DNAJB2: variants seen among roughly 807,000 people sequenced by gnomAD.
DNAJB2 encodes dnaJ homolog subfamily B member 2.
DNAJB2 carries 19 observed loss-of-function variants against 33.3 expected under a neutral mutation model. That is an observed-to-expected ratio of 0.57 (90% CI 0.40 to 0.84). The LOEUF (loss-of-function observed/expected upper bound fraction) is 0.84. Among genes scored for constraint, DNAJB2 ranks in the 40% least tolerant of loss-of-function variants. The pLI is 0.00. For missense variants in DNAJB2, 368 were observed against 430.9 expected (o/e 0.85, Z 1.29); for synonymous variants, 172 against 164.6 (o/e 1.04, Z -0.34).
intron 5 of DNAJB2, chr2:219,282,543 A>G: frequency 2.6e-6 from 1 of 389,640 alleles, no homozygotes; most frequent in Non-Finnish European, 4.6e-6. Context: ...CTGGACTCCT[A>G]GCTGTGTCTG....
In DNAJB2 at chr2:219,286,275, G is replaced by T. The variant is rs1374230184; in HGVS notation, c.*1288G>T. On this transcript the variant is annotated 3_prime_UTR_variant, in exon 9 of 9. Coordinates refer to ENST00000336576, the MANE Select transcript of DNAJB2 (RefSeq NM_006736.6). ...ATCCCGCTTGGGGGAGGTGGTGTAT[G>T]GTTACGGAGCTGTGCATCTTGGGAC... 2.1e-6 allele frequency: 1 copy of T among 469,740 alleles called. No homozygotes were observed. The highest frequency in any genetic ancestry group is 3.9e-6 in the Non-Finnish European group (1 of 257,658). 29.1% of individuals were successfully genotyped at this position (469,740 alleles called of 1,614,324 possible). A position where few individuals can be genotyped will look rare whatever the true frequency, so the allele number is the denominator to read the frequency against.
chr2:219,285,234 GC>G lies in DNAJB2; in HGVS notation c.*249del. 8.2e-7 allele frequency: 1 copy of G among 1,213,738 alleles called. No individual in the cohort carries two copies. The highest frequency in any genetic ancestry group is 1.0e-6 in the Non-Finnish European group (1 of 975,090). The allele number at this position is 1,213,738 out of a possible 1,614,324, so 75.2% of individuals were successfully genotyped here. ...TCAGGGCAGTGGAGGGGCCCGAGGA[GC>G]CAGGTTGCATTTATTGGATGGGGAG... On this transcript the variant is annotated 3_prime_UTR_variant, in exon 9 of 9. Transcript: ENST00000336576.
intron 2 of DNAJB2, 121 bp downstream of exon 2, chr2:219,280,019 C>CT: frequency 9.0e-7 from 1 of 1,111,106 alleles, no homozygotes; most frequent in Non-Finnish European, 1.3e-6. Context: ...CACTGGGGTG[C>CT]TTCTTCCGAG....
At position 219,285,350 on chromosome 2, in the gene DNAJB2, T is replaced by C; in HGVS notation, c.*363T>C. ...CTGATGGTGTCAAGGAAGGAGGACT[T>C]GGCCTAGGGTTGTCTGAGCCGGAGC... On this transcript the variant is annotated 3_prime_UTR_variant, in exon 9 of 9. Transcript: ENST00000336576. 9.7e-7 allele frequency: 1 copy of C among 1,026,174 alleles called. No homozygotes were observed. The highest frequency in any genetic ancestry group is 1.2e-6 in the Non-Finnish European group (1 of 856,532). The allele number at this position is 1,026,174 out of a possible 1,614,324, so 63.6% of individuals were successfully genotyped here. A position where few individuals can be genotyped will look rare whatever the true frequency, so the allele number is the denominator to read the frequency against.
chr2:219,285,543 C>CG lies in DNAJB2; in HGVS notation c.*559dup. 2.9e-6 allele frequency: 3 copies of CG among 1,020,884 alleles called. No individual in the cohort carries two copies. The highest frequency in any genetic ancestry group is 3.5e-6 in the Non-Finnish European group (3 of 852,442). 63.2% of individuals were successfully genotyped at this position (1,020,884 alleles called of 1,614,324 possible). ...CTCCCATTCTCTCTGCAACTCCCTG[C>CG]GGGCCGCATCGCTTGCTTTCACTGC... is the stretch of plus-strand genomic sequence containing the variant. On this transcript the variant is annotated 3_prime_UTR_variant, in exon 9 of 9. Transcript: ENST00000336576.
chr2:219,281,508 C>A, intron 3 of DNAJB2: 2 of 605,778 alleles, frequency 3.3e-6, no homozygotes, highest in South Asian at 4.0e-5. Context: ...GTTGTGATGA[C>A]AGCCATTTTC....
chr2:219,279,860 C>G lies in DNAJB2; in HGVS notation c.27C>G (p.Asp9Glu). ...TGGCATCCTACTACGAGATCCTAGA[C>G]GTGCCGCGAAGTGCGTCCGCTGATG... MASYYEIL[D>E]VPRSASADDI... is the part of the protein sequence containing the mutation. The change falls in exon 2 of 9, where the codon GAC becomes GAG. Residue 9 changes from aspartate (D) to glutamate (E), a missense_variant. Physicochemically the swap from Asp to Glu is conservative, Grantham distance 45. Coordinates refer to ENST00000336576, the MANE Select transcript of DNAJB2 (RefSeq NM_006736.6). The surrounding 1 kb of genome is among the most constrained non-coding windows in gnomAD (Gnocchi z 4.9). 6.2e-7 allele frequency: 1 copy of G among 1,614,064 alleles called. No individual in the cohort carries two copies.
intron 3 of DNAJB2, chr2:219,281,423 C>G: frequency 2.4e-6 from 1 of 424,358 alleles, no homozygotes; most frequent in Non-Finnish European, 4.2e-6. Context: ...TGAACACTTT[C>G]TATGTGTCAG....
At chr2:219,281,549 C>A in intron 3 of DNAJB2, 169 bp from the exon 4 acceptor site, 1 of 743,912 alleles carries the variant, frequency 1.3e-6, no homozygotes. Context: ...GTGTGAAAGG[C>A]TGAGTTGCTG....
Position 219,285,684 on chromosome 2 carries a change from G to A in DNAJB2, c.*697G>A, listed in dbSNP as rs1054173737. The A allele has an allele frequency of 3.0e-5, 36 of 1,194,278 alleles. No homozygotes were observed. The highest frequency in any genetic ancestry group is 1.5e-4 in the East Asian group (4 of 26,896). 74.0% of individuals were successfully genotyped at this position (1,194,278 alleles called of 1,614,324 possible). ...TCTGGGGAGGCTAGCCGGGTGGGGC[G>A]GGAGCCTCTCAGCTGTCCAGATTCA... On this transcript the variant is annotated 3_prime_UTR_variant, in exon 9 of 9. Coordinates refer to ENST00000336576, the MANE Select transcript of DNAJB2 (RefSeq NM_006736.6).
Position 219,281,790 on chromosome 2 carries a change from C to A in DNAJB2, c.229+19C>A, listed in dbSNP as rs1166222618. On this transcript the variant is annotated intron_variant, in intron 4 of 8. Coordinates refer to ENST00000336576, the MANE Select transcript of DNAJB2 (RefSeq NM_006736.6). ...GGGACAGGTAGGTGGAGTGGTGAGG[C>A]CCAGGAATGGAGGTGGGGCAGGGAG... 1.2e-6 allele frequency: 2 copies of A among 1,613,910 alleles called. No homozygotes were observed. Among genetic ancestry groups the A allele is most frequent in the Admixed American group, 3.3e-5 (2 of 60,014 alleles).
chr2:219,286,742 TCTC>T lies in DNAJB2; in HGVS notation c.*1763_*1765del, dbSNP rs1420917787. 2 of 152,154 alleles carry T rather than the reference TCTC, an allele frequency of 1.3e-5. No individual in the cohort carries two copies. The highest frequency in any genetic ancestry group is 4.8e-5 in the African/African-American group (2 of 41,398). 9.4% of individuals were successfully genotyped at this position (152,154 alleles called of 1,614,324 possible). On this transcript the variant is annotated 3_prime_UTR_variant, in exon 9 of 9. Coordinates refer to ENST00000336576, the MANE Select transcript of DNAJB2 (RefSeq NM_006736.6). ...TTTCCAACATCACAGATGAACTGCC[TCTC>T]CTCCTCCCTGCCTGGGGAGCCCAGT...
Position 219,285,518 on chromosome 2 carries a change from C to A in DNAJB2, c.*531C>A. The A allele has an allele frequency of 9.9e-7, 1 of 1,013,180 alleles. No homozygotes were observed. Among genetic ancestry groups the A allele is most frequent in the Non-Finnish European group, 1.2e-6 (1 of 847,678 alleles). 62.8% of individuals were successfully genotyped at this position (1,013,180 alleles called of 1,614,324 possible). On this transcript the variant is annotated 3_prime_UTR_variant, in exon 9 of 9. Coordinates refer to ENST00000336576, the MANE Select transcript of DNAJB2 (RefSeq NM_006736.6). ...TCTCTTCTGGTGTTGCTTCTCCTCCCTCCCATTCTCTCTGCAACTCCCTGC... is the reference window on the plus strand; with the variant it reads ...TCTCTTCTGGTGTTGCTTCTCCTCCATCCCATTCTCTCTGCAACTCCCTGC...
At chr2:219,283,515 C>T in intron 8 of DNAJB2, 26 bp downstream of exon 8, 2 of 1,605,774 alleles carry the variant, frequency 1.2e-6, no homozygotes, top group South Asian at 1.1e-5. Flanking sequence ...CCTACCCAGC[C>T]CCTGGCAGGA....
At position 219,284,891 on chromosome 2, in the gene DNAJB2, T is replaced by C; in HGVS notation, c.879T>C (p.Asp293=). 6.2e-7 allele frequency: 1 copy of C among 1,605,790 alleles called. No homozygotes were observed. The highest frequency in any genetic ancestry group is 8.5e-7 in the Non-Finnish European group (1 of 1,174,612). The change falls in exon 9 of 9, where the codon GAT becomes GAC. Residue 293 remains aspartate (D), a synonymous_variant. Coordinates refer to ENST00000336576, the MANE Select transcript of DNAJB2 (RefSeq NM_006736.6). ...RQGRPKAQHQ[D]PGLGGTQEGA... is the part of the protein sequence containing the mutation. ...GGCGGCCCAAGGCCCAGCACCAAGATCCAGGCTTGGGGGGGACCCAGGAGG... is the reference window on the plus strand; with the variant it reads ...GGCGGCCCAAGGCCCAGCACCAAGACCCAGGCTTGGGGGGGACCCAGGAGG...
At chr2:219,283,581 C>T in intron 8 of DNAJB2, 92 bp downstream of exon 8, 1 of 1,356,148 alleles carries the variant, frequency 7.4e-7, no homozygotes, top group Non-Finnish European at 1.0e-6. Context: ...TCTGAACTCA[C>T]TTAGGGCTTG....
rs769158342 is a variant in DNAJB2, at chr2:219,279,808, G to A, written c.-26G>A. ...CCTTCTCTTCTGCAGCCCCAAGGAGGCCCGCCTGACGACTGACCAGTTGCC... is the reference window on the plus strand; with the variant it reads ...CCTTCTCTTCTGCAGCCCCAAGGAGACCCGCCTGACGACTGACCAGTTGCC... On this transcript the variant is annotated 5_prime_UTR_variant, in exon 2 of 9. Transcript: ENST00000336576. This position sits in a 1 kb window ranked among gnomAD's most constrained non-coding sequence, Gnocchi z 4.9. The A allele has an allele frequency of 5.6e-6, 9 of 1,613,434 alleles. No individual in the cohort carries two copies. Among genetic ancestry groups the A allele is most frequent in the Non-Finnish European group, 7.6e-6 (9 of 1,179,744 alleles).
chr2:219,283,041 C>T (rs148642155), intron 6 of DNAJB2, 92 bp from the exon 7 acceptor site: 1 of 1,580,448 alleles, frequency 6.3e-7, no homozygotes, highest in African/African-American at 1.3e-5. Context: ...CTCCAGCAGC[C>T]CTGCGAGGCG....
Position 219,284,901 on chromosome 2 carries a change from G to T in DNAJB2, c.889G>T (p.Gly297Trp), listed in dbSNP as rs763018408. The change falls in exon 9 of 9, where the codon GGG becomes TGG. Residue 297 changes from glycine (G) to tryptophan (W), a missense_variant. Coordinates refer to ENST00000336576, the MANE Select transcript of DNAJB2 (RefSeq NM_006736.6). ...PKAQHQDPGL[G>W]GTQEGARGEA... The stretch of plus-strand genomic sequence containing the variant: ...GGCCCAGCACCAAGATCCAGGCTTG[G>T]GGGGGACCCAGGAGGGTGCGAGGGG... The T allele has an allele frequency of 4.4e-6, 7 of 1,603,608 alleles. No homozygotes were observed. Among genetic ancestry groups the T allele is most frequent in the Non-Finnish European group, 3.4e-6 (4 of 1,173,150 alleles).
Sources: allele counts gnomAD v4.1 joint callset, GRCh38; gene constraint gnomAD v4.1.1; non-coding constraint Gnocchi (gnomAD v3.1); transcripts MANE v1.5; gene names NCBI Gene and HGNC (gene_info 2026-07-23, HGNC 2026-07-21).